The following GABRG1 variants were observed in gnomAD, a reference collection of about 807,000 sequenced individuals.
GABRG1 encodes the protein gamma-aminobutyric acid receptor subunit gamma-1.
A neutral mutation model predicts 49.8 loss-of-function variants in GABRG1; 49 were observed. The observed-to-expected ratio is 0.98, with a 90% CI of 0.78 to 1.25. The LOEUF (loss-of-function observed/expected upper bound fraction) is 1.25. GABRG1 is among the 50% of genes most tolerant of loss of function. The probability of loss-of-function intolerance (pLI) is 0.00; values close to 1 mark genes in which losing one functional copy is unlikely to be tolerated. For missense variants in GABRG1, 552 were observed against 552.3 expected (o/e 1.00, Z 0.01); for synonymous variants, 232 against 185.1 (o/e 1.25, Z -2.06).
intron 1 of GABRG1, among the ~76,000 whole-genome samples, chr4:46,110,539 A>G (rs961965957): frequency 2.0e-5 from 3 of 151,102 alleles, no homozygotes; most frequent in African/African-American, 7.3e-5. Flanking sequence ...AAAACCCACC[A>G]AAGACAATGA....
intron 1 of GABRG1, among the ~76,000 whole-genome samples, chr4:46,100,392 G>A (rs1031989452): frequency 4.6e-5 from 7 of 151,306 alleles, no homozygotes; most frequent in African/African-American, 1.7e-4. Flanking sequence ...ATACCTGGGA[G>A]ATGAAATAAG....
intron 8 of GABRG1, among the ~76,000 whole-genome samples, chr4:46,049,731 G>C (rs1227558053): frequency 6.6e-6 from 1 of 151,890 alleles, no homozygotes; most frequent in African/African-American, 2.4e-5. Context: ...AACATGATAA[G>C]TTTAAAGTCT....
At chr4:46,082,336 C>G (rs1046163105) in intron 3 of GABRG1, among the ~76,000 whole-genome samples, 10 of 151,522 alleles carry the variant, frequency 6.6e-5, no homozygotes, top group African/African-American at 2.4e-4. Context: ...CTCTTCTTCT[C>G]TCCTCTACCT....
rs1481833820 is a variant in GABRG1, at chr4:46,040,766, G to T, written c.*222C>A. On this transcript the variant is annotated 3_prime_UTR_variant, in exon 9 of 9. Coordinates refer to ENST00000295452, the MANE Select transcript of GABRG1 (RefSeq NM_173536.4). ...AGAAAATTTAAGTAAAAATATGTGA[G>T]TATTTTAACCTACTGGATTTTGCAA... 2.2e-5 allele frequency: 8 copies of T among 370,326 alleles called. No individual in the cohort carries two copies. Among genetic ancestry groups the T allele is most frequent in the African/African-American group, 6.3e-5 (3 of 47,740 alleles). 22.9% of individuals were successfully genotyped at this position (370,326 alleles called of 1,614,324 possible).
chr4:46,105,791 T>TAGATGATAGATAGATAGATA (rs1553883516), intron 1 of GABRG1, among the ~76,000 whole-genome samples: 2 of 144,662 alleles, frequency 1.4e-5, no homozygotes, highest in East Asian at 2.1e-4. Context: ...GGTAGATAGA[T>TAGATGATAGATAGATAGATA]GATAGATAGA....
At chr4:46,050,370 A>T (rs1487330435) in intron 8 of GABRG1, among the ~76,000 whole-genome samples, 2 of 151,878 alleles carry the variant, frequency 1.3e-5, no homozygotes, top group Non-Finnish European at 2.9e-5. Flanking sequence ...ACTTAAAAGT[A>T]TAGCAGAGTT....
Position 46,040,865 on chromosome 4 carries a change from T to C in GABRG1, c.*123A>G. The C allele has an allele frequency of 9.9e-7, 1 of 1,012,786 alleles. No homozygotes were observed. Among genetic ancestry groups the C allele is most frequent in the Non-Finnish European group, 1.4e-6 (1 of 691,646 alleles). 62.7% of individuals were successfully genotyped at this position (1,012,786 alleles called of 1,614,324 possible). On this transcript the variant is annotated 3_prime_UTR_variant, in exon 9 of 9. Coordinates refer to ENST00000295452, the MANE Select transcript of GABRG1 (RefSeq NM_173536.4). ...TCTGAAGGCCTTAAAATAGTTACAA[T>C]ACTATTCACATTTTAACCATTGGTC...
chr4:46,077,275 A>T (rs980512620), intron 3 of GABRG1, among the ~76,000 whole-genome samples: 1 of 151,842 alleles, frequency 6.6e-6, no homozygotes, highest in Non-Finnish European at 1.5e-5. Flanking sequence ...CGTTGTGCAC[A>T]TGTACCCTAA....
chr4:46,102,582 A>G (rs1202283614), intron 1 of GABRG1, among the ~76,000 whole-genome samples: 2 of 150,386 alleles, frequency 1.3e-5, no homozygotes. Context: ...GGCCATCTTG[A>G]CATCTGTTTC....
intron 5 of GABRG1, among the ~76,000 whole-genome samples, chr4:46,060,414 T>C (rs1408031281): frequency 6.6e-6 from 1 of 152,192 alleles, no homozygotes; most frequent in Non-Finnish European, 1.5e-5. Context: ...TTACCACGTT[T>C]TGTCAATGTC....
intron 1 of GABRG1, among the ~76,000 whole-genome samples, chr4:46,112,642 A>G (rs1720756135): frequency 6.6e-6 from 1 of 151,244 alleles, no homozygotes; most frequent in South Asian, 2.1e-4. Context: ...AACACTACAT[A>G]GCCATAAAAA....
At chr4:46,069,159 G>A (rs939154852) in intron 3 of GABRG1, among the ~76,000 whole-genome samples, 9 of 152,016 alleles carry the variant, frequency 5.9e-5, no homozygotes, top group African/African-American at 1.9e-4. Flanking sequence ...CTAGTAATGG[G>A]AGAAACTTCA....
chr4:46,038,490 G>T lies in GABRG1; in HGVS notation c.*2498C>A, dbSNP rs1164163273. 1.3e-5 allele frequency: 2 copies of T among 151,096 alleles called. No homozygotes were observed. Among genetic ancestry groups the T allele is most frequent in the Non-Finnish European group, 3.0e-5 (2 of 67,560 alleles). 9.4% of individuals were successfully genotyped at this position (151,096 alleles called of 1,614,324 possible). ...GCATTAAAAACATTGAAAGCATCCA[G>T]GAAAATCAAGTTCCAATAAATTCAA... On this transcript the variant is annotated 3_prime_UTR_variant, in exon 9 of 9. Transcript: ENST00000295452.
At chr4:46,064,066 T>C (rs1204321641) in intron 5 of GABRG1, among the ~76,000 whole-genome samples, 3 of 152,260 alleles carry the variant, frequency 2.0e-5, no homozygotes, top group African/African-American at 7.2e-5. Flanking sequence ...AAATCTAATG[T>C]AATAAAGTTA....
At chr4:46,070,074 G>A (rs539908364) in intron 3 of GABRG1, among the ~76,000 whole-genome samples, 94 of 152,076 alleles carry the variant, frequency 6.2e-4, no homozygotes, top group African/African-American at 2.0e-3. Flanking sequence ...TCTTCTGTAT[G>A]TCAGGGAATG....
At chr4:46,078,300 T>C (rs1404370850) in intron 3 of GABRG1, among the ~76,000 whole-genome samples, 1 of 152,076 alleles carries the variant, frequency 6.6e-6, no homozygotes, top group Non-Finnish European at 1.5e-5. Context: ...AAAATCTTAT[T>C]TCCAAGCATT....
intron 8 of GABRG1, among the ~76,000 whole-genome samples, chr4:46,048,737 CAAAT>C (rs1379950197): frequency 1.3e-5 from 2 of 151,236 alleles, no homozygotes; most frequent in Non-Finnish European, 3.0e-5. Flanking sequence ...GCAAAAAAGA[CAAAT>C]GAAAGAAAGA....
At chr4:46,109,293 T>C (rs1291576104) in intron 1 of GABRG1, among the ~76,000 whole-genome samples, 2 of 151,104 alleles carry the variant, frequency 1.3e-5, no homozygotes, top group African/African-American at 4.8e-5. Flanking sequence ...CCAGATTTTC[T>C]AGTTTGTGTG....
At chr4:46,053,060 T>TA (rs945099290) in intron 7 of GABRG1, among the ~76,000 whole-genome samples, 4 of 151,598 alleles carry the variant, frequency 2.6e-5, no homozygotes, top group Non-Finnish European at 2.9e-5. Flanking sequence ...GCCTCTCGTT[T>TA]AAAAAAAACA....
Sources: gnomAD v4.1 joint callset for allele counts (sites outside exome capture counted in the v4.1 genomes callset) on GRCh38, gnomAD v4.1.1 for gene constraint, MANE v1.5 for transcripts, NCBI Gene and HGNC (gene_info 2026-07-23, HGNC 2026-07-21) for gene names.